Variants in MPPED1 observed in about 807,000 individuals in gnomAD.
The protein encoded by MPPED1 is metallophosphoesterase domain containing 1.
A neutral mutation model predicts 36.2 loss-of-function variants in MPPED1; 16 were observed. The ratio of observed to expected loss-of-function variants is 0.44; its 90% CI spans 0.30 to 0.67. The LOEUF (loss-of-function observed/expected upper bound fraction) is 0.67. Among genes scored for constraint, MPPED1 ranks in the 30% least tolerant of loss-of-function variants. The pLI is 0.10. For synonymous variants in MPPED1, 199 were observed against 191.3 expected (o/e 1.04, Z -0.33); for missense variants, 307 against 453.4 (o/e 0.68, Z 2.93).
chr22:43,484,937 A>G (rs2146897254), intron 4 of MPPED1, among the ~76,000 whole-genome samples: 1 of 152,354 alleles, frequency 6.6e-6, no homozygotes, highest in South Asian at 2.1e-4. Context: ...CCCAACGTGC[A>G]GCATCAGTTA....
chr22:43,490,062 T>A (rs1460512263), intron 4 of MPPED1, among the ~76,000 whole-genome samples: 1 of 152,164 alleles, frequency 6.6e-6, no homozygotes, highest in Non-Finnish European at 1.5e-5. Flanking sequence ...AGAGGTGCAG[T>A]GAGCAGCCAG....
chr22:43,426,902 C>T (rs1428281148), intron 2 of MPPED1, among the ~76,000 whole-genome samples: 1 of 152,222 alleles, frequency 6.6e-6, no homozygotes, highest in African/African-American at 2.4e-5. Context: ...AAGGAAGGCC[C>T]CGGGCCTCAG....
chr22:43,502,493 G>T lies in MPPED1; in HGVS notation c.749-151G>T. 3.2e-6 allele frequency: 2 copies of T among 626,426 alleles called. No individual in the cohort carries two copies. Among genetic ancestry groups the T allele is most frequent in the South Asian group, 3.8e-5 (2 of 52,540 alleles). The allele number at this position is 626,426 out of a possible 1,614,324, so 38.8% of individuals were successfully genotyped here. On this transcript the variant is annotated intron_variant, in intron 5 of 6. Transcript: ENST00000443721. The surrounding 1 kb of genome is among the most constrained non-coding windows in gnomAD (Gnocchi z 5.5). ...TCCCTGAAGCCTGAGGCAGGGCAGG[G>T]TTCCGGAGAGCTTGCTAGGGGAGAG...
intron 4 of MPPED1, among the ~76,000 whole-genome samples, chr22:43,496,014 T>C (rs1602017677): frequency 1.1e-5 from 1 of 90,996 alleles, no homozygotes; most frequent in Non-Finnish European, 2.3e-5. Flanking sequence ...ATGGTGGTGG[T>C]GGAGGTGGTG....
chr22:43,443,884 G>C (rs1275031369), intron 3 of MPPED1, among the ~76,000 whole-genome samples: 1 of 152,096 alleles, frequency 6.6e-6, no homozygotes, highest in African/African-American at 2.4e-5. Context: ...ACTCTCTGAT[G>C]GGGCGCTGTT....
intron 5 of MPPED1, among the ~76,000 whole-genome samples, chr22:43,499,879 A>T (rs1240641184): frequency 1.8e-4 from 1 of 5,706 alleles, no homozygotes; most frequent in Non-Finnish European, 3.5e-4. Flanking sequence ...GTGGTGATGG[A>T]GGTGGTGATG....
rs958557264 is a variant in MPPED1, at chr22:43,477,570, G to A, written c.632+2609G>A. Among the ~76,000 whole-genome samples the A allele has an allele frequency of 3.9e-5, 6 of 152,318 alleles. No homozygotes were observed. In the East Asian group the frequency reaches 1.2e-3, roughly 29 times the overall value. On this transcript the variant is annotated intron_variant, in intron 4 of 6. Transcript: ENST00000443721. ...TGGTGCCACATGGTGGCCACCTGGCGGCTGGAGGCTGTGGGCAGATTTAGG... is the reference window on the plus strand; with the variant it reads ...TGGTGCCACATGGTGGCCACCTGGCAGCTGGAGGCTGTGGGCAGATTTAGG...
chr22:43,412,519 C>G (rs1259674270), intron 1 of MPPED1, among the ~76,000 whole-genome samples: 1 of 152,162 alleles, frequency 6.6e-6, no homozygotes, highest in East Asian at 1.9e-4. Flanking sequence ...TAGCAGCCCC[C>G]GCTTGTAGAG....
intron 5 of MPPED1, among the ~76,000 whole-genome samples, 186 bp downstream of exon 5, chr22:43,498,536 G>T (rs1932505831): frequency 6.6e-6 from 1 of 152,048 alleles, no homozygotes; most frequent in Non-Finnish European, 1.5e-5. Context: ...GAGAGCAGGG[G>T]GCTTGACTTG....
intron 2 of MPPED1, among the ~76,000 whole-genome samples, chr22:43,431,963 C>G (rs1213490309): frequency 1.3e-5 from 2 of 152,152 alleles, no homozygotes; most frequent in Non-Finnish European, 2.9e-5. Context: ...CTGGCTCCAG[C>G]AGCAGGCCCA....
At chr22:43,493,804 C>T (rs1478358436) in intron 4 of MPPED1, among the ~76,000 whole-genome samples, 1 of 152,166 alleles carries the variant, frequency 6.6e-6, no homozygotes, top group Non-Finnish European at 1.5e-5. Flanking sequence ...ACCTGTCTGA[C>T]CAACAGTGCT....
chr22:43,500,385 ATGGTGATGGAGGTGGTAGTGG>A (rs1280788013), intron 5 of MPPED1, among the ~76,000 whole-genome samples: 121 of 70,904 alleles, frequency 1.7e-3, no homozygotes, highest in Middle Eastern at 0.019. Flanking sequence ...GGTGGTGGTG[ATGGTGATGGAGGTGGTAGTGG>A]TGGTGATGGA....
At chr22:43,477,028 C>T (rs1191052706) in intron 4 of MPPED1, among the ~76,000 whole-genome samples, 1 of 152,166 alleles carries the variant, frequency 6.6e-6, no homozygotes, top group Non-Finnish European at 1.5e-5. Flanking sequence ...AACTCGAGCC[C>T]AGGAGGTGGG....
chr22:43,414,691 A>G (rs1322230224), intron 1 of MPPED1, among the ~76,000 whole-genome samples: 1 of 152,146 alleles, frequency 6.6e-6, no homozygotes, highest in Non-Finnish European at 1.5e-5. Context: ...TGTCTGTCAA[A>G]GTCTTTAATG....
At chr22:43,504,317 T>C (rs1932772744) in intron 6 of MPPED1, among the ~76,000 whole-genome samples, 2 of 152,094 alleles carry the variant, frequency 1.3e-5, no homozygotes, top group Non-Finnish European at 2.9e-5. Flanking sequence ...TTGGTGGTGA[T>C]GATCATGATG....
At chr22:43,420,458 G>A (rs1929228700) in intron 1 of MPPED1, among the ~76,000 whole-genome samples, 1 of 151,588 alleles carries the variant, frequency 6.6e-6, no homozygotes, top group Non-Finnish European at 1.5e-5. Flanking sequence ...AGGCTGGAGT[G>A]CAGTGGCACG....
At chr22:43,440,464 A>T (rs556547585) in intron 3 of MPPED1, among the ~76,000 whole-genome samples, 1 of 152,282 alleles carries the variant, frequency 6.6e-6, no homozygotes, top group African/African-American at 2.4e-5. Flanking sequence ...TCCTCCCAGG[A>T]TGCCCTACAG....
At chr22:43,419,988 C>G (rs73426271) in intron 1 of MPPED1, among the ~76,000 whole-genome samples, 1,979 of 152,256 alleles carry the variant, frequency 0.013, 44 homozygotes, top group African/African-American at 0.046. Flanking sequence ...TTTGGAAAAG[C>G]AAGCCCTTAG....
chr22:43,459,569 G>T (rs1368546795), intron 3 of MPPED1, among the ~76,000 whole-genome samples: 1 of 152,084 alleles, frequency 6.6e-6, no homozygotes, highest in Admixed American at 6.5e-5. Flanking sequence ...CTGTCTTCAG[G>T]TTTGCTCATT....
Sources: gnomAD v4.1 joint callset for allele counts (sites outside exome capture counted in the v4.1 genomes callset) on GRCh38, gnomAD v4.1.1 for gene constraint, Gnocchi (gnomAD v3.1) non-coding constraint, MANE v1.5 for transcripts, NCBI Gene and HGNC (gene_info 2026-07-23, HGNC 2026-07-21) for gene names.